Variants in MEGF10 observed in about 807,000 individuals in gnomAD.
The protein encoded by MEGF10 is multiple epidermal growth factor-like domains protein 10.
In MEGF10, 86 loss-of-function variants were observed where a neutral mutation model predicts 147.5. That is an observed-to-expected ratio of 0.58 (90% confidence interval 0.49 to 0.70). MEGF10 has a LOEUF of 0.70. Among genes scored for constraint, MEGF10 ranks in the 30% least tolerant of loss-of-function variants. The pLI is 0.00. For synonymous variants in MEGF10, 478 were observed against 525.5 expected, an observed-to-expected ratio of 0.91 and a Z score of 1.24; for missense variants, 1,329 against 1,487.3, an observed-to-expected ratio of 0.89 and a Z score of 1.75.
At chr5:127,343,540 C>A (rs941919411) in intron 4 of MEGF10, among the ~76,000 whole-genome samples, 1 of 152,050 alleles carries the variant, frequency 6.6e-6, no homozygotes, top group African/African-American at 2.4e-5. Flanking sequence ...GTGACATGTC[C>A]TTTTGGTTCT....
rs3812055 is a variant in MEGF10 at position 127,396,707 on chromosome 5, G to A, written c.588G>A (p.Gln196=). 0.15 allele frequency: 246,264 copies of A among 1,614,004 alleles called. 19,387 individuals carry two copies. Among genetic ancestry groups the A allele is most frequent in the African/African-American group, 0.23 (17,002 of 75,016 alleles). The change falls in exon 6 of 25, where the codon CAG becomes CAA. Residue 196 remains glutamine, a synonymous_variant. Transcript: ENST00000503335. ...TYGNDCHQRC[Q]CQNGATCDHV... is the part of the protein sequence containing the mutation. ...GTAACGACTGTCATCAGAGATGCCA[G>A]TGCCAGAATGGAGCCACCTGCGACC... is the stretch of plus-strand genomic sequence containing the variant.
chr5:127,417,928 C>G, intron 10 of MEGF10, 116 bp downstream of exon 10: 1 of 1,042,786 alleles, frequency 9.6e-7, no homozygotes. Flanking sequence ...TCATCCACAT[C>G]ATTAAAGAGA....
intron 13 of MEGF10, chr5:127,424,352 A>C (rs1324811610): frequency 1.4e-6 from 1 of 719,098 alleles, no homozygotes; most frequent in Non-Finnish European, 2.5e-6. Flanking sequence ...TGTTTTGACT[A>C]TTCTGGGTCC....
chr5:127,289,225 T>C (rs1759129981), upstream of MEGF10, among the ~76,000 whole-genome samples: 2 of 152,328 alleles, frequency 1.3e-5, no homozygotes, highest in African/African-American at 4.8e-5. Context: ...GGAATGTAAC[T>C]TATCCCCCAA....
intron 5 of MEGF10, among the ~76,000 whole-genome samples, chr5:127,383,591 C>T (rs1763329910): frequency 6.6e-6 from 1 of 152,084 alleles, no homozygotes; most frequent in Non-Finnish European, 1.5e-5. Context: ...TATCTTATTT[C>T]TAAATACACC....
intron 5 of MEGF10, among the ~76,000 whole-genome samples, chr5:127,377,588 T>G (rs1344298813): frequency 6.6e-6 from 1 of 152,174 alleles, no homozygotes; most frequent in Non-Finnish European, 1.5e-5. Context: ...TGATAACCTT[T>G]TGTGTAAAGC....
rs141102379 is a variant in MEGF10 at position 127,303,499 on chromosome 5, A to T, written c.-19+12443A>T. 1.4e-3 allele frequency among the ~76,000 whole-genome samples: 214 copies of T among 152,302 alleles called. 2 individuals are homozygous for T. The highest frequency in any genetic ancestry group is 5.1e-3 in the African/African-American group (210 of 41,572). On this transcript the variant is annotated intron_variant, in intron 1 of 24. Transcript: ENST00000503335. ...AACAGAAAATGAAATAAAAATGGGG[A>T]AGACAATAAGGAGACTATTGCAGTA...
chr5:127,354,373 C>T (rs1352491914), intron 4 of MEGF10, among the ~76,000 whole-genome samples: 1 of 152,138 alleles, frequency 6.6e-6, no homozygotes, highest in African/African-American at 2.4e-5. Context: ...TCCTTTATTT[C>T]TTCTTTTTAA....
At position 127,425,619 on chromosome 5, in the gene MEGF10, A is replaced by AT. The variant is rs113117700; in HGVS notation, c.1693+2858dup. On this transcript the variant is annotated intron_variant, in intron 13 of 24. Transcript: ENST00000503335. ...CTACAATTGGACCAAGAATTGGCTT[A>AT]TTTTTTTTTTTAAAGAAAGAGCAGC... is the stretch of plus-strand genomic sequence containing the variant. Among the ~76,000 whole-genome samples, 245 of 148,316 alleles carry AT rather than the reference A, an allele frequency of 1.7e-3. 4 individuals carry two copies. Among genetic ancestry groups the AT allele is most frequent in the African/African-American group, 5.3e-3 (214 of 40,508 alleles).
chr5:127,230,966 G>A, the MEGF10 span, among the ~76,000 whole-genome samples: 1 of 152,130 alleles, frequency 6.6e-6, no homozygotes, highest in East Asian at 1.9e-4. Context: ...TTGGAATGCT[G>A]TCCTGTGTCA....
the MEGF10 span, among the ~76,000 whole-genome samples, chr5:127,250,019 C>A: frequency 6.6e-6 from 1 of 152,088 alleles, no homozygotes; most frequent in African/African-American, 2.4e-5. Flanking sequence ...GGCCTAATTA[C>A]CTCTTAATGG....
intron 8 of MEGF10, among the ~76,000 whole-genome samples, chr5:127,408,481 A>G (rs1764418288): frequency 6.6e-6 from 1 of 152,220 alleles, no homozygotes; most frequent in East Asian, 1.9e-4. Context: ...TAAGGAAGAA[A>G]CTAAATGACT....
At chr5:127,440,562 G>T (rs373704466) in intron 17 of MEGF10, among the ~76,000 whole-genome samples, 177 bp from the exon 18 acceptor site, 1 of 152,224 alleles carries the variant, frequency 6.6e-6, no homozygotes, top group Admixed American at 6.5e-5. Flanking sequence ...CCTTGCAAGA[G>T]CCCTGTCTTG....
chr5:127,322,141 C>T (rs1291334728), intron 1 of MEGF10, among the ~76,000 whole-genome samples: 1 of 150,966 alleles, frequency 6.6e-6, no homozygotes, highest in African/African-American at 2.4e-5. Flanking sequence ...TTCTTTTCCT[C>T]CTGGGTTGAT....
chr5:127,293,046 A>G (rs541939022), intron 1 of MEGF10, among the ~76,000 whole-genome samples: 5 of 152,310 alleles, frequency 3.3e-5, no homozygotes, highest in African/African-American at 1.2e-4. Context: ...AATATTCCCT[A>G]TGACCTCAAG....
chr5:127,247,468 A>G, the MEGF10 span, among the ~76,000 whole-genome samples: 19 of 147,242 alleles, frequency 1.3e-4, 1 homozygote, highest in Non-Finnish European at 2.4e-4. Context: ...GAAGAAGAAG[A>G]AGAAGAAGAA....
chr5:127,415,636 G>T (rs907260314), intron 9 of MEGF10, among the ~76,000 whole-genome samples: 1 of 152,218 alleles, frequency 6.6e-6, no homozygotes, highest in East Asian at 1.9e-4. Context: ...AGGCATGGTG[G>T]CTCACGCTTA....
intron 1 of MEGF10, among the ~76,000 whole-genome samples, chr5:127,314,728 T>C (rs911042654): frequency 2.6e-5 from 4 of 152,216 alleles, no homozygotes; most frequent in Non-Finnish European, 5.9e-5. Context: ...ATGAAAAATA[T>C]ATTCCAGGCA....
intron 2 of MEGF10, among the ~76,000 whole-genome samples, chr5:127,337,262 C>T (rs1350624444): frequency 1.3e-5 from 2 of 152,056 alleles, no homozygotes; most frequent in South Asian, 4.1e-4. Flanking sequence ...ATTGCTTCAA[C>T]ATTTCATGAG....
Sources: gnomAD v4.1 joint callset for allele counts (sites outside exome capture counted in the v4.1 genomes callset) on GRCh38, gnomAD v4.1.1 for gene constraint, MANE v1.5 for transcripts, NCBI Gene and HGNC (gene_info 2026-07-23, HGNC 2026-07-21) for gene names.